Variants in GYPC observed in about 807,000 individuals in gnomAD.
GYPC encodes the protein glycophorin C (Gerbich blood group).
Under a neutral mutation model 12.6 loss-of-function variants are expected in GYPC, and 14 were observed. That is an observed-to-expected ratio of 1.11 (90% CI 0.74 to 1.74). GYPC has a LOEUF of 1.74. Among genes scored for constraint, GYPC ranks in the 40% most tolerant of loss-of-function variants. The pLI, the probability that GYPC is intolerant of heterozygous loss-of-function variation, is 0.00. For synonymous variants in GYPC, 78 were observed against 62.1 expected (o/e 1.26, Z -1.20); for missense variants, 225 against 172.1 (o/e 1.31, Z -1.72).
chr2:126,678,066 A>C (rs1045629002), intron 1 of GYPC, among the ~76,000 whole-genome samples: 2 of 152,032 alleles, frequency 1.3e-5, no homozygotes, highest in African/African-American at 4.8e-5. Flanking sequence ...CTAAAAATAC[A>C]AGAAAATTAG....
chr2:126,678,132 G>A (rs1683060077), intron 1 of GYPC, among the ~76,000 whole-genome samples: 1 of 152,128 alleles, frequency 6.6e-6, no homozygotes, highest in Admixed American at 6.5e-5. Flanking sequence ...TGAGGCAGGA[G>A]AATCACTTGA....
chr2:126,684,560 C>T (rs1683234242), intron 1 of GYPC, among the ~76,000 whole-genome samples: 1 of 152,196 alleles, frequency 6.6e-6, no homozygotes. Context: ...GAAGCCTTTC[C>T]TGAGGATACT....
chr2:126,688,998 C>T (rs1232928487), intron 1 of GYPC, among the ~76,000 whole-genome samples: 1 of 152,190 alleles, frequency 6.6e-6, no homozygotes, highest in East Asian at 1.9e-4. Context: ...CAATCATCTC[C>T]CAGAGGAAAG....
chr2:126,696,200 C>T lies in GYPC; in HGVS notation c.*58C>T, dbSNP rs988027507. 4.0e-6 allele frequency: 5 copies of T among 1,250,404 alleles called. No individual in the cohort carries two copies. The highest frequency in any genetic ancestry group is 1.2e-5 in the South Asian group (1 of 81,462). 77.5% of individuals were successfully genotyped at this position (1,250,404 alleles called of 1,614,324 possible). On this transcript the variant is annotated 3_prime_UTR_variant, in exon 4 of 4. Coordinates refer to ENST00000259254, the MANE Select transcript of GYPC (RefSeq NM_002101.5). ...CCCCATCTCCATCAGGAAAAATACA[C>T]CCCATCGCCCAGCACCCCTGCTGAT...
chr2:126,665,407 A>T (rs532907316), intron 1 of GYPC, among the ~76,000 whole-genome samples: 3 of 152,242 alleles, frequency 2.0e-5, no homozygotes, highest in Non-Finnish European at 2.9e-5. Flanking sequence ...ACTATCATGT[A>T]TGTAAGGTTC....
At chr2:126,671,344 C>T (rs910199324) in intron 1 of GYPC, among the ~76,000 whole-genome samples, 15 of 152,202 alleles carry the variant, frequency 9.9e-5, no homozygotes, top group African/African-American at 3.6e-4. Flanking sequence ...TGCAAGCATG[C>T]GAGGCAGGCT....
chr2:126,679,157 G>C (rs1443396893), intron 1 of GYPC, among the ~76,000 whole-genome samples: 2 of 152,198 alleles, frequency 1.3e-5, no homozygotes, highest in African/African-American at 4.8e-5. Flanking sequence ...GCATCTGTCT[G>C]GGGAGCAGGT....
At chr2:126,691,526 C>G (rs796509347) in intron 2 of GYPC, among the ~76,000 whole-genome samples, 4 of 152,114 alleles carry the variant, frequency 2.6e-5, no homozygotes, top group Admixed American at 1.3e-4. Flanking sequence ...GCAGGGTAGG[C>G]TGAGGAGCAG....
At chr2:126,692,996 C>T (rs1013488867) in intron 2 of GYPC, among the ~76,000 whole-genome samples, 10 of 152,158 alleles carry the variant, frequency 6.6e-5, no homozygotes, top group African/African-American at 2.4e-4. Context: ...GTGAAGACTG[C>T]ATGATAGAGT....
At chr2:126,660,027 A>T (rs1250273040) in intron 1 of GYPC, among the ~76,000 whole-genome samples, 4 of 152,166 alleles carry the variant, frequency 2.6e-5, no homozygotes, top group African/African-American at 9.7e-5. Flanking sequence ...GCCATAGGGC[A>T]CCCAGACACT....
chr2:126,683,783 T>A (rs1395889351), intron 1 of GYPC, among the ~76,000 whole-genome samples: 1 of 152,190 alleles, frequency 6.6e-6, no homozygotes, highest in Non-Finnish European at 1.5e-5. Context: ...TGACTAGGTA[T>A]GAAAAGTTAT....
chr2:126,690,055 C>T (rs1683409955), intron 1 of GYPC, among the ~76,000 whole-genome samples, 200 bp from the exon 2 acceptor site: 1 of 152,190 alleles, frequency 6.6e-6, no homozygotes, highest in South Asian at 2.1e-4. Flanking sequence ...AGTTCCATCC[C>T]AGTCAGTGAC....
chr2:126,686,285 C>T (rs1486660677), intron 1 of GYPC: 2 of 985,580 alleles, frequency 2.0e-6, no homozygotes, highest in Non-Finnish European at 2.4e-6. Flanking sequence ...GGTTCTGCAC[C>T]CCAACAGCTG....
chr2:126,682,678 G>C (rs183582661), intron 1 of GYPC, among the ~76,000 whole-genome samples: 1 of 152,230 alleles, frequency 6.6e-6, no homozygotes, highest in African/African-American at 2.4e-5. Flanking sequence ...TGCCCTGCTA[G>C]TGTGCTGAAG....
At chr2:126,663,455 C>T (rs963091014) in intron 1 of GYPC, among the ~76,000 whole-genome samples, 2 of 152,196 alleles carry the variant, frequency 1.3e-5, no homozygotes, top group African/African-American at 2.4e-5. Flanking sequence ...TCTTACCTTC[C>T]GGAGCTCCAT....
chr2:126,684,833 T>C (rs1395438271), intron 1 of GYPC, among the ~76,000 whole-genome samples: 4 of 152,130 alleles, frequency 2.6e-5, no homozygotes, highest in African/African-American at 9.7e-5. Context: ...CCCTAGCACC[T>C]CGTCAATGCT....
intron 1 of GYPC, among the ~76,000 whole-genome samples, chr2:126,668,506 C>G (rs1463509922): frequency 2.6e-5 from 4 of 152,216 alleles, no homozygotes; most frequent in Non-Finnish European, 5.9e-5. Flanking sequence ...GTGAAATGCT[C>G]TCATTGTGGT....
At chr2:126,690,690 C>T (rs968152386) in intron 2 of GYPC, among the ~76,000 whole-genome samples, 16 of 152,086 alleles carry the variant, frequency 1.1e-4, no homozygotes, top group Non-Finnish European at 2.4e-4. Context: ...GCTACTTAGA[C>T]TTCTCCACCG....
chr2:126,661,838 C>T lies in GYPC; in HGVS notation c.49+5526C>T, dbSNP rs376565412. ...CAGCAGGCACAACAGTGACCTCTTT[C>T]CAGGGCTCAGGGGAGGAAGCTCCGC... is the stretch of plus-strand genomic sequence containing the variant. On this transcript the variant is annotated intron_variant, in intron 1 of 3. Coordinates refer to ENST00000259254, the MANE Select transcript of GYPC (RefSeq NM_002101.5). Among the ~76,000 whole-genome samples the T allele has an allele frequency of 2.0e-4, 31 of 152,318 alleles. No homozygotes were observed. In the East Asian group the frequency reaches 4.3e-3, roughly 21 times the overall value.
Sources: allele counts gnomAD v4.1 joint callset (sites outside exome capture counted in the v4.1 genomes callset), GRCh38; gene constraint gnomAD v4.1.1; transcripts MANE v1.5; gene names NCBI Gene and HGNC (gene_info 2026-07-23, HGNC 2026-07-21).